CYP2C19: variants seen among roughly 807,000 people sequenced by gnomAD.
CYP2C19 encodes the protein cytochrome P450 family 2 subfamily C member 19, also known as cytochrome P450 2C19.
In CYP2C19, 59 loss-of-function variants were observed where a neutral mutation model predicts 40.9. The observed-to-expected ratio is 1.44, with a 90% confidence interval of 1.17 to 1.79. The LOEUF (loss-of-function observed/expected upper bound fraction) is 1.79, where lower values mean the gene tolerates loss of function less well. Ranked by LOEUF, CYP2C19 falls within the 40% of genes most tolerant of loss-of-function variation. The pLI is 0.00. For missense variants in CYP2C19, 754 were observed against 596.9 expected, an observed-to-expected ratio of 1.26 and a Z score of -2.74; for synonymous variants, 253 against 208.7, an observed-to-expected ratio of 1.21 and a Z score of -1.83.
intron 6 of CYP2C19, among the ~76,000 whole-genome samples, chr10:94,824,410 G>T (rs1187231677): frequency 6.6e-6 from 1 of 152,106 alleles, no homozygotes; most frequent in African/African-American, 2.4e-5. Context: ...TGTATTTTCA[G>T]AAGAAGCTGC....
intron 5 of CYP2C19, among the ~76,000 whole-genome samples, chr10:94,784,200 CT>C (rs1231491521): frequency 1.3e-5 from 2 of 151,172 alleles, no homozygotes; most frequent in Admixed American, 6.6e-5. Flanking sequence ...GTTTTGGAGG[CT>C]CATCTAAGTT....
intron 6 of CYP2C19, among the ~76,000 whole-genome samples, chr10:94,833,992 T>C (rs902757686): frequency 6.6e-6 from 1 of 152,210 alleles, no homozygotes; most frequent in Admixed American, 6.5e-5. Context: ...CTGATTTTGG[T>C]ATCAGGGTAA....
chr10:94,834,747 G>A (rs1849376894), intron 6 of CYP2C19, among the ~76,000 whole-genome samples: 1 of 152,078 alleles, frequency 6.6e-6, no homozygotes, highest in Admixed American at 6.5e-5. Flanking sequence ...TGCCTAATTA[G>A]CATTTTAGTG....
At chr10:94,772,332 C>T (rs1848344595) in intron 1 of CYP2C19, among the ~76,000 whole-genome samples, 1 of 151,998 alleles carries the variant, frequency 6.6e-6, no homozygotes, top group Non-Finnish European at 1.5e-5. Context: ...ATTGGTGAGC[C>T]CGGGTGCCTA....
chr10:94,822,232 A>C (rs1194023147), intron 6 of CYP2C19, among the ~76,000 whole-genome samples: 3 of 152,132 alleles, frequency 2.0e-5, no homozygotes, highest in Admixed American at 2.0e-4. Flanking sequence ...AAAGAGGTTT[A>C]ATGGACTGTC....
At chr10:94,773,578 C>T (rs1848364496) in intron 1 of CYP2C19, among the ~76,000 whole-genome samples, 1 of 152,048 alleles carries the variant, frequency 6.6e-6, no homozygotes, top group Admixed American at 6.5e-5. Flanking sequence ...GTTGTTCATT[C>T]CTCCTGGTGG....
At chr10:94,795,488 G>A (rs1263166764) in intron 5 of CYP2C19, among the ~76,000 whole-genome samples, 1 of 152,116 alleles carries the variant, frequency 6.6e-6, no homozygotes, top group Non-Finnish European at 1.5e-5. Context: ...CTTTATAGCA[G>A]CATGGTTTAT....
intron 1 of CYP2C19, among the ~76,000 whole-genome samples, chr10:94,771,651 G>A (rs1848333126): frequency 6.6e-6 from 1 of 152,022 alleles, no homozygotes; most frequent in African/African-American, 2.4e-5. Flanking sequence ...ATGCCTGATT[G>A]TCTCTCATCG....
intron 6 of CYP2C19, among the ~76,000 whole-genome samples, chr10:94,829,672 A>C (rs1035200144): frequency 6.6e-6 from 1 of 152,102 alleles, no homozygotes; most frequent in Non-Finnish European, 1.5e-5. Context: ...GTCATTCTCC[A>C]TCCAGCTTTG....
intron 1 of CYP2C19, chr10:94,774,572 T>TCTCGGTGGTC: frequency 5.9e-6 from 1 of 170,468 alleles, no homozygotes; most frequent in Non-Finnish European, 1.3e-5. Flanking sequence ...TTACTATAAA[T>TCTCGGTGGTC]GCTATGATGC....
At chr10:94,788,281 T>C (rs1848568265) in intron 5 of CYP2C19, among the ~76,000 whole-genome samples, 1 of 152,042 alleles carries the variant, frequency 6.6e-6, no homozygotes, top group South Asian at 2.1e-4. Flanking sequence ...TTTTGGAAGG[T>C]TCTTTAGGGT....
chr10:94,839,367 T>C (rs748500985), intron 6 of CYP2C19, among the ~76,000 whole-genome samples: 5 of 152,160 alleles, frequency 3.3e-5, no homozygotes, highest in African/African-American at 4.8e-5. Context: ...TGCTTACCGA[T>C]GTAGCAGTCC....
intron 7 of CYP2C19, among the ~76,000 whole-genome samples, chr10:94,846,981 C>T (rs1849581584): frequency 6.6e-6 from 1 of 152,220 alleles, no homozygotes; most frequent in South Asian, 2.1e-4. Flanking sequence ...TCGTTTGAAG[C>T]TCAATCATAT....
chr10:94,812,547 A>G lies in CYP2C19; in HGVS notation c.820-7949A>G, dbSNP rs144811742. Among the ~76,000 whole-genome samples the G allele has an allele frequency of 3.1e-3, 474 of 152,300 alleles. 3 individuals carry two copies. Among genetic ancestry groups the G allele is most frequent in the African/African-American group, 0.011 (451 of 41,558 alleles). Reference sequence around the variant, plus strand: ...AGATTTGGTCTTTTCACATAGCACCACATTTCTTGGAGGCTATGTTCATTT... The same window carrying G: ...AGATTTGGTCTTTTCACATAGCACCGCATTTCTTGGAGGCTATGTTCATTT... On this transcript the variant is annotated intron_variant, in intron 5 of 8. Transcript: ENST00000371321.
chr10:94,795,951 C>T (rs1443340503), intron 5 of CYP2C19, among the ~76,000 whole-genome samples: 1 of 152,086 alleles, frequency 6.6e-6, no homozygotes, highest in Non-Finnish European at 1.5e-5. Context: ...TGTAGGTTGC[C>T]TATTCACTCT....
chr10:94,839,501 C>T (rs886853995), intron 6 of CYP2C19, among the ~76,000 whole-genome samples: 4 of 152,182 alleles, frequency 2.6e-5, no homozygotes, highest in African/African-American at 9.7e-5. Context: ...TAGAGCTGGG[C>T]TGGGTTCCTG....
intron 1 of CYP2C19, among the ~76,000 whole-genome samples, chr10:94,766,906 A>G (rs1050393673): frequency 6.6e-6 from 1 of 152,102 alleles, no homozygotes; most frequent in Non-Finnish European, 1.5e-5. Context: ...GAGGCCATAG[A>G]TAGGGAGGTA....
intron 5 of CYP2C19, among the ~76,000 whole-genome samples, chr10:94,793,469 C>T (rs1284491543): frequency 6.6e-6 from 1 of 152,108 alleles, no homozygotes; most frequent in South Asian, 2.1e-4. Context: ...TTTCTGCTCT[C>T]GTTACTCCCA....
At chr10:94,822,204 C>T (rs1057085555) in intron 6 of CYP2C19, among the ~76,000 whole-genome samples, 3 of 151,988 alleles carry the variant, frequency 2.0e-5, no homozygotes, top group Admixed American at 6.6e-5. Context: ...ATACCTGAGG[C>T]TGGGTAATTC....
Sources: gnomAD v4.1 joint callset for allele counts (sites outside exome capture counted in the v4.1 genomes callset) on GRCh38, gnomAD v4.1.1 for gene constraint, MANE v1.5 for transcripts, NCBI Gene and HGNC (gene_info 2026-07-23, HGNC 2026-07-21) for gene names.